The following UTRN variants were observed in gnomAD, a reference collection of about 807,000 sequenced individuals.
The protein encoded by UTRN is dystrophin-related protein 1.
A neutral mutation model predicts 463.9 loss-of-function variants in UTRN; 283 were observed. The observed-to-expected ratio is 0.61, with a 90% CI of 0.55 to 0.67. UTRN has a LOEUF of 0.67. Ranked by LOEUF, UTRN falls within the 30% of genes least tolerant of loss-of-function variation. The pLI is 0.00. For synonymous variants in UTRN, 1,442 were observed against 1,431.5 expected (o/e 1.01, Z -0.17); for missense variants, 3,922 against 4,084.3 (o/e 0.96, Z 1.08).
rs1479439985 is a variant in UTRN, at chr6:144,748,254, C to G, written c.7948C>G (p.Pro2650Ala). 1.2e-6 allele frequency: 2 copies of G among 1,610,236 alleles called. No individual in the cohort carries two copies. The highest frequency in any genetic ancestry group is 3.3e-5 in the Admixed American group (2 of 59,750). ...RNLQSKTELT[P>A]EERAQKIAKA... ...CTTTTTTTTAATCACAGAATTAACTCCTGAGGAGAGAGCCCAAAAGATTGC... is the reference window on the plus strand; with the variant it reads ...CTTTTTTTTAATCACAGAATTAACTGCTGAGGAGAGAGCCCAAAAGATTGC... Residue 2650 changes from proline (P) to alanine (A), a missense_variant, in exon 55 of 75, where the codon CCT (proline) becomes GCT (alanine). By Grantham distance (27) the Pro-to-Ala change is conservative. Around this residue, in one of 3 missense-constraint regions of UTRN, gnomAD observed 1,309 missense variants for 1,452.6 expected, o/e 0.90. Transcript: ENST00000367545.
intron 59 of UTRN, among the ~76,000 whole-genome samples, chr6:144,772,616 C>A (rs13218362): frequency 0.022 from 3,394 of 152,210 alleles, 53 homozygotes; most frequent in Non-Finnish European, 0.033. Context: ...TACAATATAG[C>A]CAACTTTAAT....
chr6:144,489,944 TG>T, intron 30 of UTRN, 126 bp from the exon 31 acceptor site: 1 of 1,349,970 alleles, frequency 7.4e-7, no homozygotes. Context: ...AAAGCTTCTG[TG>T]GAGGTCAACA....
At chr6:144,513,293 C>T (rs1795333233) in intron 35 of UTRN, among the ~76,000 whole-genome samples, 1 of 152,176 alleles carries the variant, frequency 6.6e-6, no homozygotes, top group African/African-American at 2.4e-5. Flanking sequence ...TGGCGCACAC[C>T]TGTAATCCCA....
chr6:144,652,513 C>T (rs1168402983), intron 51 of UTRN, among the ~76,000 whole-genome samples: 2 of 152,226 alleles, frequency 1.3e-5, no homozygotes, highest in Non-Finnish European at 2.9e-5. Context: ...CTTAAACCTA[C>T]TTGAAAGATA....
chr6:144,549,472 T>C (rs1798710148), intron 47 of UTRN, among the ~76,000 whole-genome samples: 1 of 152,260 alleles, frequency 6.6e-6, no homozygotes. Flanking sequence ...TTGTACACGT[T>C]ATCTCATTCA....
rs1799851277 is a variant in UTRN at position 144,561,220 on chromosome 6, T to TAC, written c.7289+3910_7289+3911insCA. ...AAAAATAACATTATATATATATATA[T>TAC]ATATATATATATATATATATATATA... On this transcript the variant is annotated intron_variant, in intron 50 of 74. Coordinates refer to ENST00000367545, the MANE Select transcript of UTRN (RefSeq NM_007124.3). Among the ~76,000 whole-genome samples the TAC allele has an allele frequency of 8.5e-5, 3 of 35,380 alleles. No homozygotes were observed. The South Asian group carries it at 6.0e-3, about 70-fold the overall frequency. The allele number at this position is 35,380 out of a possible 152,430, so 23.2% of individuals were successfully genotyped here.
At chr6:144,408,962 A>G (rs1783651051) in intron 3 of UTRN, among the ~76,000 whole-genome samples, 1 of 152,204 alleles carries the variant, frequency 6.6e-6, no homozygotes, top group Non-Finnish European at 1.5e-5. Flanking sequence ...AGAGTTACAC[A>G]TTGGGTCTGC....
rs768008831 is a variant in UTRN at position 144,516,320 on chromosome 6, A to G, written c.5336A>G (p.Glu1779Gly). 4 of 1,613,854 alleles carry G rather than the reference A, an allele frequency of 2.5e-6. No individual in the cohort carries two copies. The highest frequency in any genetic ancestry group is 3.4e-6 in the Non-Finnish European group (4 of 1,179,906). The change falls in exon 38 of 75, where the codon GAA (glutamate) becomes GGA (glycine). Residue 1779 changes from glutamate (E) to glycine (G), a missense_variant. Glu to Gly is a moderately conservative substitution (Grantham distance 98). This residue lies in a region of UTRN where 2,349 missense variants were observed against 2,303.8 expected (regional missense o/e 1.02). Coordinates refer to ENST00000367545, the MANE Select transcript of UTRN (RefSeq NM_007124.3). ...GVPFSDLEKL[E>G]NDIENMLKFV... ...CCTTTCTCTGACTTGGAAAAATTAG[A>G]AAATGACATAGAAAATATGTTAAAA...
At chr6:144,358,411 A>G (rs1291039703) in intron 2 of UTRN, among the ~76,000 whole-genome samples, 1 of 152,188 alleles carries the variant, frequency 6.6e-6, no homozygotes, top group Non-Finnish European at 1.5e-5. Flanking sequence ...CTTTTTGCCT[A>G]TTTGCTATAG....
chr6:144,736,608 C>T (rs1408755809), intron 54 of UTRN, among the ~76,000 whole-genome samples: 1 of 152,158 alleles, frequency 6.6e-6, no homozygotes, highest in African/African-American at 2.4e-5. Context: ...TCTTAATTGG[C>T]ATTTCTCCAT....
intron 3 of UTRN, among the ~76,000 whole-genome samples, chr6:144,417,459 T>C (rs950475068): frequency 6.6e-6 from 1 of 152,342 alleles, no homozygotes; most frequent in African/African-American, 2.4e-5. Flanking sequence ...CGAAATACTA[T>C]TATAAGGAAA....
intron 60 of UTRN, among the ~76,000 whole-genome samples, chr6:144,775,422 T>G (rs1042181998): frequency 6.6e-6 from 1 of 152,168 alleles, no homozygotes; most frequent in Non-Finnish European, 1.5e-5. Flanking sequence ...GAGATGACCT[T>G]GACTTTTGCA....
chr6:144,698,233 A>T (rs576705326), intron 52 of UTRN, among the ~76,000 whole-genome samples: 1 of 152,268 alleles, frequency 6.6e-6, no homozygotes, highest in East Asian at 1.9e-4. Flanking sequence ...GCCTAAAGTT[A>T]ATCAATATGA....
chr6:144,710,204 C>G (rs1394972724), intron 53 of UTRN, among the ~76,000 whole-genome samples: 1 of 152,188 alleles, frequency 6.6e-6, no homozygotes, highest in African/African-American at 2.4e-5. Context: ...TAAAGCATCT[C>G]CTATGTTCAA....
At chr6:144,736,657 C>G (rs1017670934) in intron 54 of UTRN, among the ~76,000 whole-genome samples, 3 of 152,146 alleles carry the variant, frequency 2.0e-5, no homozygotes, top group Admixed American at 6.5e-5. Context: ...AAGCACAAAC[C>G]TGGCATGAGG....
chr6:144,702,151 T>C (rs1451215887), intron 53 of UTRN, among the ~76,000 whole-genome samples: 3 of 152,212 alleles, frequency 2.0e-5, no homozygotes, highest in Non-Finnish European at 4.4e-5. Context: ...CATATGCTAA[T>C]AGTGTTTACC....
chr6:144,493,206 G>A (rs533619359), intron 32 of UTRN, 95 bp from the exon 33 acceptor site: 2 of 1,236,086 alleles, frequency 1.6e-6, no homozygotes, highest in Admixed American at 4.3e-5. Flanking sequence ...TTAGGTCTTG[G>A]CTGTCAATCT....
At chr6:144,343,975 C>A (rs200209784) in intron 2 of UTRN, 2 of 279,008 alleles carry the variant, frequency 7.2e-6, no homozygotes, top group Non-Finnish European at 6.3e-6. Context: ...ATTAAAAAAA[C>A]AAAAAACCTG....
At chr6:144,664,172 A>T (rs1374367805) in intron 51 of UTRN, among the ~76,000 whole-genome samples, 1 of 152,196 alleles carries the variant, frequency 6.6e-6, no homozygotes, top group Non-Finnish European at 1.5e-5. Context: ...AAGTTGAAAG[A>T]AGGAAATGAG....
Sources: gnomAD v4.1 joint callset for allele counts (sites outside exome capture counted in the v4.1 genomes callset) on GRCh38, gnomAD v4.1.1 for gene constraint, gnomAD v4.1.1 regional missense constraint, MANE v1.5 for transcripts, NCBI Gene and HGNC (gene_info 2026-07-23, HGNC 2026-07-21) for gene names.